Variants in ST6GAL1 observed in about 807,000 individuals in gnomAD.
The protein encoded by ST6GAL1 is ST6 beta-galactoside alpha-2,6-sialyltransferase 1.
Under a neutral mutation model 38.0 loss-of-function variants are expected in ST6GAL1, and 20 were observed. The observed-to-expected ratio is 0.53, with a 90% CI of 0.37 to 0.77. ST6GAL1 has a LOEUF of 0.77. Among genes scored for constraint, ST6GAL1 ranks in the 30% least tolerant of loss-of-function variants. The pLI, the probability that ST6GAL1 is intolerant of heterozygous loss-of-function variation, is 0.00. For synonymous variants in ST6GAL1, 196 were observed against 188.2 expected (o/e 1.04, Z -0.34); for missense variants, 432 against 496.4 (o/e 0.87, Z 1.23).
intron 2 of ST6GAL1, among the ~76,000 whole-genome samples, chr3:187,025,858 C>T (rs1717516610): frequency 6.6e-6 from 1 of 152,176 alleles, no homozygotes; most frequent in Admixed American, 6.5e-5. Flanking sequence ...TCTCCAGACT[C>T]TTAGAAAACC....
chr3:186,970,250 T>C (rs2108530973), intron 2 of ST6GAL1, among the ~76,000 whole-genome samples: 1 of 150,614 alleles, frequency 6.6e-6, no homozygotes, highest in Non-Finnish European at 1.5e-5. Context: ...AGTTGCACTC[T>C]GTCACCCAGG....
At chr3:186,980,782 AAGAT>A (rs1294445449) in intron 2 of ST6GAL1, among the ~76,000 whole-genome samples, 1 of 149,436 alleles carries the variant, frequency 6.7e-6, no homozygotes, top group Non-Finnish European at 1.5e-5. Context: ...AAAAAAAAAA[AAGAT>A]AGAAGTCAAG....
At chr3:187,065,804 A>C (rs961031452) in intron 5 of ST6GAL1, among the ~76,000 whole-genome samples, 1 of 152,332 alleles carries the variant, frequency 6.6e-6, no homozygotes, top group Admixed American at 6.5e-5. Context: ...GCCATTTGTT[A>C]AATATATTAT....
At chr3:187,021,611 G>A (rs912167871) in intron 2 of ST6GAL1, among the ~76,000 whole-genome samples, 1 of 151,746 alleles carries the variant, frequency 6.6e-6, no homozygotes, top group East Asian at 2.0e-4. Context: ...GTGATGGTGG[G>A]CGCCTGTAAT....
rs111868226 is a variant in ST6GAL1, at chr3:187,033,341, G to A, written c.-182-5401G>A. Among the ~76,000 whole-genome samples the A allele has an allele frequency of 8.3e-3, 1,258 of 152,010 alleles. 18 individuals are homozygous for A. The highest frequency in any genetic ancestry group is 0.029 in the African/African-American group (1,192 of 41,376). On this transcript the variant is annotated intron_variant, in intron 2 of 7. Transcript: ENST00000169298. ...GGCAGGAGAATCTCATGAACCTCGG[G>A]GGTGGAGCTTGCAGTGAGCCAAGAT...
intron 2 of ST6GAL1, among the ~76,000 whole-genome samples, chr3:186,970,919 C>T (rs987370807): frequency 4.6e-5 from 7 of 152,146 alleles, no homozygotes; most frequent in Non-Finnish European, 7.3e-5. Flanking sequence ...ATATAAATGC[C>T]GAGGAGTTCA....
intron 2 of ST6GAL1, among the ~76,000 whole-genome samples, chr3:187,007,161 A>C (rs1716810562): frequency 6.6e-6 from 1 of 152,228 alleles, no homozygotes; most frequent in African/African-American, 2.4e-5. Context: ...ATGGATTTGC[A>C]GAACAGTGTG....
At chr3:187,066,082 G>C (rs2108598551) in intron 5 of ST6GAL1, among the ~76,000 whole-genome samples, 2 of 152,330 alleles carry the variant, frequency 1.3e-5, no homozygotes, top group East Asian at 1.9e-4. Context: ...TGGCAGGGCG[G>C]GTGGGAGGTG....
At chr3:186,996,666 C>T (rs553715338) in intron 2 of ST6GAL1, 25 of 152,300 alleles carry the variant, frequency 1.6e-4, no homozygotes, top group African/African-American at 5.1e-4. Context: ...GAAGGACCTA[C>T]CAACCAGGTA....
intron 2 of ST6GAL1, among the ~76,000 whole-genome samples, chr3:186,990,517 C>T (rs1332968548): frequency 6.6e-6 from 1 of 152,088 alleles, no homozygotes; most frequent in Non-Finnish European, 1.5e-5. Context: ...TGACTATATT[C>T]AGTCATCTGT....
rs181012237 is a variant in ST6GAL1, at chr3:187,069,988, G to T, written c.706-2861G>T. Among the ~76,000 whole-genome samples, 128 of 152,272 alleles carry T rather than the reference G, an allele frequency of 8.4e-4. 1 individual carries two copies. The highest frequency in any genetic ancestry group is 2.9e-5 in the Non-Finnish European group (2 of 68,018). On this transcript the variant is annotated intron_variant, in intron 5 of 7. Coordinates refer to ENST00000169298, the MANE Select transcript of ST6GAL1 (RefSeq NM_173216.2). ...GTTCTTTCTACTTTGTGGGTTTGCC[G>T]TTCTCAGCATATGACTTCCACTTTA...
intron 2 of ST6GAL1, among the ~76,000 whole-genome samples, chr3:186,978,928 C>A (rs1035725126): frequency 1.3e-5 from 2 of 151,768 alleles, no homozygotes; most frequent in Non-Finnish European, 2.9e-5. Flanking sequence ...AACTCCTGTT[C>A]AAACTTCAAA....
intron 2 of ST6GAL1, among the ~76,000 whole-genome samples, chr3:186,988,624 A>G (rs933591941): frequency 4.6e-5 from 7 of 151,602 alleles, no homozygotes; most frequent in African/African-American, 1.7e-4. Flanking sequence ...TTGTAAGAAA[A>G]GTTAGTGAGG....
At chr3:187,052,912 C>G (rs1372845528) in intron 5 of ST6GAL1, among the ~76,000 whole-genome samples, 6 of 152,324 alleles carry the variant, frequency 3.9e-5, no homozygotes, top group Non-Finnish European at 5.9e-5. Context: ...ACACTCCCAC[C>G]CACAGTGTAA....
intron 1 of ST6GAL1, among the ~76,000 whole-genome samples, chr3:186,957,967 G>C (rs895803310): frequency 6.6e-6 from 1 of 151,818 alleles, no homozygotes; most frequent in Non-Finnish European, 1.5e-5. Context: ...AAGAATAAAT[G>C]GGATCTTCCT....
chr3:186,951,326 G>A lies in ST6GAL1; in HGVS notation c.-324-12459G>A, dbSNP rs138834074. ...CCCACATCGGCCTCCCAAAGTGCTG[G>A]GATTACAGGCATGAGCCACTGCGCC... On this transcript the variant is annotated intron_variant, in intron 1 of 7. Coordinates refer to ENST00000169298, the MANE Select transcript of ST6GAL1 (RefSeq NM_173216.2). Among the ~76,000 whole-genome samples the A allele has an allele frequency of 7.0e-3, 1,065 of 152,228 alleles. 10 individuals carry two copies. The highest frequency in any genetic ancestry group is 0.024 in the African/African-American group (999 of 41,532).
chr3:186,965,453 TC>T (rs1201624270), intron 2 of ST6GAL1, among the ~76,000 whole-genome samples: 1 of 152,166 alleles, frequency 6.6e-6, no homozygotes, highest in East Asian at 1.9e-4. Flanking sequence ...CTGAATCTCT[TC>T]CTGTGTCCCA....
chr3:186,946,287 G>A (rs1057227384), intron 1 of ST6GAL1, among the ~76,000 whole-genome samples: 12 of 151,480 alleles, frequency 7.9e-5, no homozygotes, highest in Admixed American at 2.0e-4. Context: ...TAGCCTGGGC[G>A]ACAGAGTGAG....
At chr3:186,994,948 C>CA (rs397876791) in intron 2 of ST6GAL1, among the ~76,000 whole-genome samples, 96 of 127,888 alleles carry the variant, frequency 7.5e-4, no homozygotes, top group Middle Eastern at 3.8e-3. Context: ...CTCTCAAAAA[C>CA]AAAAAAAAAA....
Sources: gnomAD v4.1 joint callset for allele counts (sites outside exome capture counted in the v4.1 genomes callset) on GRCh38, gnomAD v4.1.1 for gene constraint, MANE v1.5 for transcripts, NCBI Gene and HGNC (gene_info 2026-07-23, HGNC 2026-07-21) for gene names.